PLPPR4: variants seen among roughly 807,000 people sequenced by gnomAD.
PLPPR4 encodes phospholipid phosphatase related 4.
In PLPPR4, 24 loss-of-function variants were observed where a neutral mutation model predicts 56.6. The observed-to-expected ratio is 0.42, with a 90% CI of 0.31 to 0.60. The LOEUF is 0.60. Among genes scored for constraint, PLPPR4 ranks in the 20% least tolerant of loss-of-function variants. PLPPR4 has a pLI of 0.13. For missense variants in PLPPR4, 654 were observed against 885.8 expected, an observed-to-expected ratio of 0.74 and a Z score of 3.32; for synonymous variants, 326 against 328.1, an observed-to-expected ratio of 0.99 and a Z score of 0.07.
At chr1:99,295,935 G>A (rs1659728926) in intron 2 of PLPPR4, among the ~76,000 whole-genome samples, 1 of 152,190 alleles carries the variant, frequency 6.6e-6, no homozygotes, top group Non-Finnish European at 1.5e-5. Context: ...AGACGGAGAT[G>A]TGATTCAATT....
Position 99,306,287 on chromosome 1 carries a change from C to T in PLPPR4, c.1425C>T (p.Ser475=). 3 of 1,614,168 alleles carry T rather than the reference C, an allele frequency of 1.9e-6. No homozygotes were observed. The highest frequency in any genetic ancestry group is 1.1e-5 in the South Asian group (1 of 91,088). ...GCATGCCTGGAGGGCCAAGAGTGTC[C>T]ATTCAGTCCCGTCCTGGGTCCTCAC... ...NNSMPGGPRV[S]IQSRPGSSQL... The change falls in exon 7 of 7, where the codon TCC becomes TCT. Residue 475 remains serine (S), a synonymous_variant. Coordinates refer to ENST00000370185, the MANE Select transcript of PLPPR4 (RefSeq NM_014839.5). The surrounding 1 kb of genome is among the most constrained non-coding windows in gnomAD (Gnocchi z 4.0).
intron 1 of PLPPR4, among the ~76,000 whole-genome samples, chr1:99,273,073 T>C (rs1659098799): frequency 6.6e-6 from 1 of 152,052 alleles, no homozygotes; most frequent in African/African-American, 2.4e-5. Context: ...TCGAATGGAG[T>C]AATCTTTTCA....
At position 99,302,658 on chromosome 1, in the gene PLPPR4, T is replaced by C. The variant is rs1261159895; in HGVS notation, c.822+761T>C. 1.6e-4 allele frequency among the ~76,000 whole-genome samples: 15 copies of C among 96,536 alleles called. No homozygotes were observed. The Admixed American group carries it at 1.9e-3, about 12-fold the overall frequency. 63.3% of individuals were successfully genotyped at this position (96,536 alleles called of 152,430 possible). ...TAGGTATATCTCCTAAAGCTATCCC[T>C]CCCCCCTCCCCCCACCCCACAACAG... On this transcript the variant is annotated intron_variant, in intron 6 of 6. Coordinates refer to ENST00000370185, the MANE Select transcript of PLPPR4 (RefSeq NM_014839.5).
In PLPPR4 at chr1:99,296,821, A is replaced by C. The variant is rs1659753312; in HGVS notation, c.348A>C (p.Gly116=). 1 of 1,599,078 alleles carries C rather than the reference A, an allele frequency of 6.3e-7. No individual in the cohort carries two copies. The highest frequency in any genetic ancestry group is 1.3e-5 in the African/African-American group (1 of 74,710). Residue 116 remains glycine (G), a synonymous_variant, in exon 3 of 7, where the codon GGA becomes GGC. Coordinates refer to ENST00000370185, the MANE Select transcript of PLPPR4 (RefSeq NM_014839.5). Reference sequence around the variant, plus strand: ...GACTAGAGCCCAACATTAATGCTGGAGGCTGCAACTTCAATTCCTTCCTCA... The same window carrying C: ...GACTAGAGCCCAACATTAATGCTGGCGGCTGCAACTTCAATTCCTTCCTCA... ...GVGLEPNINA[G]GCNFNSFLRR...
intron 2 of PLPPR4, among the ~76,000 whole-genome samples, chr1:99,292,887 G>A (rs911512541): frequency 6.6e-6 from 1 of 151,848 alleles, no homozygotes; most frequent in Non-Finnish European, 1.5e-5. Flanking sequence ...ATTCTATCTC[G>A]AATCTTCCTA....
chr1:99,300,877 CA>C, intron 4 of PLPPR4, 31 bp from the exon 5 acceptor site: 1 of 1,561,464 alleles, frequency 6.4e-7, no homozygotes, highest in Non-Finnish European at 8.8e-7. Context: ...ATCTGAACTA[CA>C]AGGCATAATT....
intron 1 of PLPPR4, among the ~76,000 whole-genome samples, chr1:99,277,823 TCA>T (rs1197071268): frequency 6.6e-6 from 1 of 152,114 alleles, no homozygotes; most frequent in African/African-American, 2.4e-5. Flanking sequence ...TGAAATCCAT[TCA>T]CAGTTTTTTC....
At position 99,305,687 on chromosome 1, in the gene PLPPR4, C is replaced by T. The variant is rs1160516006; in HGVS notation, c.825C>T (p.Gly275=). ...LIGGGIALYL[G]LYAVGNFLPS... is the part of the protein sequence containing the mutation. ...TATTGCTTTCTCTCAAACACTAGGG[C>T]TTGTATGCTGTGGGGAATTTCCTGC... The change falls in exon 7 of 7, where the codon GGC becomes GGT. Residue 275 remains glycine (G), a splice_region_variant and synonymous_variant. Coordinates refer to ENST00000370185, the MANE Select transcript of PLPPR4 (RefSeq NM_014839.5). The T allele has an allele frequency of 6.2e-7, 1 of 1,611,350 alleles. No homozygotes were observed. Among genetic ancestry groups the T allele is most frequent in the Non-Finnish European group, 8.5e-7 (1 of 1,178,820 alleles).
chr1:99,293,420 A>T (rs1557779995), intron 2 of PLPPR4, among the ~76,000 whole-genome samples: 1 of 152,118 alleles, frequency 6.6e-6, no homozygotes, highest in Admixed American at 6.5e-5. Context: ...ATTTTCATTT[A>T]CTTTAGAGTG....
chr1:99,275,157 C>T (rs995724934), intron 1 of PLPPR4, among the ~76,000 whole-genome samples: 22 of 152,194 alleles, frequency 1.4e-4, no homozygotes, highest in African/African-American at 4.8e-4. Context: ...AAGATTTGGA[C>T]ATAAATAATG....
rs753476136 is a variant in PLPPR4, at chr1:99,306,679, A to G, written c.1817A>G (p.Lys606Arg). Residue 606 changes from lysine to arginine, a missense_variant, in exon 7 of 7, where the codon AAG (lysine) becomes AGG (arginine). By Grantham distance (26) the Lys-to-Arg change is conservative. This residue lies in a region of PLPPR4 where 468 missense variants were observed against 554.3 expected (regional missense o/e 0.84). Transcript: ENST00000370185. The surrounding 1 kb of genome is among the most constrained non-coding windows in gnomAD (Gnocchi z 4.0). ...TCCTGGAAGTGGAAAGCCCCTGAAA[A>G]GGGCAGCCTTCGCCAAACTTACGAG... is the stretch of plus-strand genomic sequence containing the variant. The part of the protein sequence containing the change: ...SGSWKWKAPE[K>R]GSLRQTYELN... 7 of 1,614,126 alleles carry G rather than the reference A, an allele frequency of 4.3e-6. No individual in the cohort carries two copies. In the East Asian group the frequency reaches 1.6e-4, roughly 36 times the overall value.
upstream of PLPPR4, among the ~76,000 whole-genome samples, chr1:99,263,621 A>G (rs1658817140): frequency 6.6e-6 from 1 of 152,144 alleles, no homozygotes; most frequent in African/African-American, 2.4e-5. Context: ...TATCAACTTG[A>G]TACTTCTGGT....
chr1:99,286,354 C>A (rs570809679), intron 1 of PLPPR4, among the ~76,000 whole-genome samples: 2 of 152,154 alleles, frequency 1.3e-5, no homozygotes, highest in Non-Finnish European at 2.9e-5. Context: ...TTGATTGCTT[C>A]CTTAAATTAT....
intron 1 of PLPPR4, among the ~76,000 whole-genome samples, chr1:99,286,952 C>T (rs936157093): frequency 1.3e-5 from 2 of 152,120 alleles, no homozygotes; most frequent in African/African-American, 2.4e-5. Flanking sequence ...GATACATGTG[C>T]AGAATGTGCA....
chr1:99,268,161 T>TA (rs1034400552), intron 1 of PLPPR4, among the ~76,000 whole-genome samples: 47 of 152,266 alleles, frequency 3.1e-4, no homozygotes, highest in Admixed American at 9.8e-4. Context: ...TTCTCACTGG[T>TA]AAAAAAGGAA....
intron 2 of PLPPR4, among the ~76,000 whole-genome samples, chr1:99,294,706 A>C (rs1370141883): frequency 6.6e-6 from 1 of 152,044 alleles, no homozygotes; most frequent in Non-Finnish European, 1.5e-5. Context: ...AAAAAAAAAA[A>C]AAAAAAACTC....
chr1:99,269,611 T>TA (rs997770091), intron 1 of PLPPR4, among the ~76,000 whole-genome samples: 1 of 152,168 alleles, frequency 6.6e-6, no homozygotes, highest in Admixed American at 6.5e-5. Flanking sequence ...TTTTTAAGCC[T>TA]AAAAAAATAT....
In PLPPR4 at chr1:99,307,059, ATTCTACCTGTGTTCTG is replaced by A; in HGVS notation, c.*53_*68del. The A allele has an allele frequency of 6.5e-7, 1 of 1,534,860 alleles. No individual in the cohort carries two copies. The highest frequency in any genetic ancestry group is 8.7e-7 in the Non-Finnish European group (1 of 1,147,448). On this transcript the variant is annotated 3_prime_UTR_variant, in exon 7 of 7. Transcript: ENST00000370185. ...GCTACTCGCAAAAGACCATATGTTG[ATTCTACCTGTGTTCTG>A]TTCCAGCGAATTGGGAAGTCTCACC...
chr1:99,299,042 T>A lies in PLPPR4; in HGVS notation c.402T>A (p.His134Gln). ...CTTTCATTTTGCCTATAGGTGTTCA[T>A]GTATTTGGATTATGCTCTACAGCTC... ...LRRAVRFVGV[H>Q]VFGLCSTALI... is the part of the protein sequence containing the mutation. Residue 134 changes from histidine to glutamine, a missense_variant, in exon 4 of 7, where the codon CAT becomes CAA. Physicochemically the swap from His to Gln is conservative, Grantham distance 24. This residue lies in a region of PLPPR4 where 186 missense variants were observed against 331.4 expected (regional missense o/e 0.56). Transcript: ENST00000370185. The A allele has an allele frequency of 6.2e-7, 1 of 1,612,768 alleles. No individual in the cohort carries two copies. Among genetic ancestry groups the A allele is most frequent in the East Asian group, 2.2e-5 (1 of 44,842 alleles).
Sources: gnomAD v4.1 joint callset for allele counts (sites outside exome capture counted in the v4.1 genomes callset) on GRCh38, gnomAD v4.1.1 for gene constraint, gnomAD v4.1.1 regional missense constraint, Gnocchi (gnomAD v3.1) non-coding constraint, MANE v1.5 for transcripts, NCBI Gene and HGNC (gene_info 2026-07-23, HGNC 2026-07-21) for gene names.